Variants in CADM2 observed in about 807,000 individuals in gnomAD.
CADM2 encodes immunoglobulin superfamily member 4D.
CADM2 carries 12 observed loss-of-function variants against 49.8 expected under a neutral mutation model. That is an observed-to-expected ratio of 0.24 (90% confidence interval 0.15 to 0.39). CADM2 has a LOEUF of 0.39. Ranked by LOEUF, CADM2 falls within the 10% of genes least tolerant of loss-of-function variation. CADM2 has a pLI of 1.00. For missense variants in CADM2, 378 were observed against 492.3 expected, an observed-to-expected ratio of 0.77 and a Z score of 2.20; for synonymous variants, 214 against 175.4, an observed-to-expected ratio of 1.22 and a Z score of -1.74.
At chr3:85,393,241 A>G (rs1483308322) in intron 1 of CADM2, among the ~76,000 whole-genome samples, 1 of 152,150 alleles carries the variant, frequency 6.6e-6, no homozygotes, top group Non-Finnish European at 1.5e-5. Context: ...TTTTGAGTTT[A>G]GGTGTTCAGA....
chr3:85,517,054 A>T (rs1159299312), intron 1 of CADM2, among the ~76,000 whole-genome samples: 1 of 151,910 alleles, frequency 6.6e-6, no homozygotes, highest in Non-Finnish European at 1.5e-5. Flanking sequence ...TATAAAGACA[A>T]CTACACCACT....
rs542888186 is a variant in CADM2, at chr3:85,147,791, A to T, written c.61+188123A>T. On this transcript the variant is annotated intron_variant, in intron 1 of 9. Coordinates refer to ENST00000383699, the MANE Select transcript of CADM2 (RefSeq NM_001167675.2). Reference sequence around the variant, plus strand: ...TTATGCTATTTCCATTCATCTACTTAGCACCAAGGTATAAGTATATAACAG... The same window carrying T: ...TTATGCTATTTCCATTCATCTACTTTGCACCAAGGTATAAGTATATAACAG... Among the ~76,000 whole-genome samples, 8 of 152,304 alleles carry T rather than the reference A, an allele frequency of 5.3e-5. No homozygotes were observed. In the South Asian group the frequency reaches 1.7e-3, roughly 32 times the overall value.
rs577715122 is a variant in CADM2 at position 85,863,383 on chromosome 3, G to A, written c.239-19908G>A. 5.3e-5 allele frequency among the ~76,000 whole-genome samples: 8 copies of A among 152,186 alleles called. No individual in the cohort carries two copies. In the South Asian group the frequency reaches 1.7e-3, roughly 32 times the overall value. ...TGCCAATGTCACTGCATTGGGAGAT[G>A]AGGCCTTTAAGAGGTGACTGCCAAT... On this transcript the variant is annotated intron_variant, in intron 3 of 9. Coordinates refer to ENST00000383699, the MANE Select transcript of CADM2 (RefSeq NM_001167675.2).
At chr3:85,386,435 A>T (rs2034237489) in intron 1 of CADM2, among the ~76,000 whole-genome samples, 1 of 152,148 alleles carries the variant, frequency 6.6e-6, no homozygotes, top group Non-Finnish European at 1.5e-5. Flanking sequence ...AGAAATTCAC[A>T]ATTAAGGCAG....
At chr3:85,077,723 T>A (rs1357394003) in intron 1 of CADM2, among the ~76,000 whole-genome samples, 2 of 152,126 alleles carry the variant, frequency 1.3e-5, no homozygotes. Flanking sequence ...TGAGATTATA[T>A]ATTTAATTCA....
chr3:85,548,681 T>C (rs1351921511), intron 1 of CADM2, among the ~76,000 whole-genome samples: 2 of 152,154 alleles, frequency 1.3e-5, no homozygotes, highest in Non-Finnish European at 2.9e-5. Flanking sequence ...GGAAGGCAAG[T>C]CCTTCTAGAA....
intron 8 of CADM2, among the ~76,000 whole-genome samples, chr3:86,041,076 A>G (rs1216641791): frequency 2.0e-5 from 3 of 152,210 alleles, no homozygotes; most frequent in Admixed American, 2.0e-4. Context: ...GAGCTCCTGA[A>G]GGAAACACTA....
At chr3:85,509,210 A>C (rs1039229712) in intron 1 of CADM2, among the ~76,000 whole-genome samples, 2 of 152,160 alleles carry the variant, frequency 1.3e-5, no homozygotes, top group African/African-American at 4.8e-5. Flanking sequence ...TAAATGCTAT[A>C]TCCAGCATCC....
At chr3:85,495,708 C>G (rs2039858483) in intron 1 of CADM2, among the ~76,000 whole-genome samples, 1 of 151,910 alleles carries the variant, frequency 6.6e-6, no homozygotes, top group South Asian at 2.1e-4. Flanking sequence ...TACAGTCAAT[C>G]AAGCAGAAGA....
At chr3:85,590,661 G>T (rs963230761) in intron 1 of CADM2, among the ~76,000 whole-genome samples, 3 of 151,828 alleles carry the variant, frequency 2.0e-5, no homozygotes, top group African/African-American at 7.2e-5. Context: ...TAAAGGAAAG[G>T]CTTTGAAAAA....
chr3:85,533,284 A>G (rs2061357967), intron 1 of CADM2, among the ~76,000 whole-genome samples: 1 of 152,224 alleles, frequency 6.6e-6, no homozygotes, highest in African/African-American at 2.4e-5. Context: ...GTTCTGTTAT[A>G]TGATGTCAAA....
chr3:86,065,960 C>G (rs922881924), intron 9 of CADM2, among the ~76,000 whole-genome samples: 1 of 152,052 alleles, frequency 6.6e-6, no homozygotes, highest in Admixed American at 6.6e-5. Flanking sequence ...GAGTAAGCCA[C>G]TGGCTCAGAA....
At chr3:85,525,796 G>A (rs1012094647) in intron 1 of CADM2, among the ~76,000 whole-genome samples, 1 of 151,866 alleles carries the variant, frequency 6.6e-6, no homozygotes, top group Non-Finnish European at 1.5e-5. Context: ...GGGTTTATCA[G>A]TGAAACTCTT....
At chr3:85,022,241 T>C (rs2034542311) in intron 1 of CADM2, among the ~76,000 whole-genome samples, 2 of 152,206 alleles carry the variant, frequency 1.3e-5, no homozygotes, top group Admixed American at 1.3e-4. Flanking sequence ...CATATGCAAA[T>C]GTTCTAAGCA....
chr3:85,425,054 T>G (rs2036338933), intron 1 of CADM2, among the ~76,000 whole-genome samples: 1 of 152,104 alleles, frequency 6.6e-6, no homozygotes, highest in Non-Finnish European at 1.5e-5. Context: ...TTTCTCCAAA[T>G]AAGAGAAATA....
chr3:85,849,057 T>G (rs888900020), intron 3 of CADM2, among the ~76,000 whole-genome samples: 1 of 152,126 alleles, frequency 6.6e-6, no homozygotes, highest in Admixed American at 6.5e-5. Context: ...AAAGGAACTG[T>G]GGGATGATAT....
chr3:85,563,792 ATGAT>A (rs1272870306), intron 1 of CADM2, among the ~76,000 whole-genome samples: 1 of 152,142 alleles, frequency 6.6e-6, no homozygotes, highest in Non-Finnish European at 1.5e-5. Context: ...CTCCATATAA[ATGAT>A]TGTTCTGAAA....
intron 1 of CADM2, among the ~76,000 whole-genome samples, chr3:85,610,775 A>C (rs2063661454): frequency 6.6e-6 from 1 of 152,020 alleles, no homozygotes; most frequent in African/African-American, 2.4e-5. Flanking sequence ...TTAAGGTGAC[A>C]TATCAAAAAA....
intron 7 of CADM2, among the ~76,000 whole-genome samples, chr3:85,957,062 G>T (rs1361775300): frequency 6.6e-6 from 1 of 151,570 alleles, no homozygotes; most frequent in Non-Finnish European, 1.5e-5. Context: ...TGACTTTGTG[G>T]AAAGGGCAAG....
Sources: allele counts gnomAD v4.1 joint callset (sites outside exome capture counted in the v4.1 genomes callset), GRCh38; gene constraint gnomAD v4.1.1; transcripts MANE v1.5; gene names NCBI Gene and HGNC (gene_info 2026-07-23, HGNC 2026-07-21).